The following FAAP20 variants were observed in gnomAD, a reference collection of about 807,000 sequenced individuals.
FAAP20 encodes FA core complex associated protein 20.
Under a neutral mutation model 16.2 loss-of-function variants are expected in FAAP20, and 12 were observed. That is an observed-to-expected ratio of 0.74 (90% confidence interval 0.48 to 1.20). The LOEUF (loss-of-function observed/expected upper bound fraction) is 1.20. FAAP20 is among the 50% of genes most tolerant of loss of function. FAAP20 has a pLI of 0.00. For missense variants in FAAP20, 288 were observed against 245.8 expected (o/e 1.17, Z -1.15); for synonymous variants, 141 against 110.7 (o/e 1.27, Z -1.72).
At chr1:2,212,540 C>T (rs1638233786) in intron 1 of FAAP20, 2 of 158,344 alleles carry the variant, frequency 1.3e-5, no homozygotes, top group Non-Finnish European at 2.8e-5. Context: ...CGGCCCCAGG[C>T]AGCAGTACCT....
downstream of FAAP20, among the ~76,000 whole-genome samples, chr1:2,211,640 G>A (rs1178634576): frequency 5.5e-5 from 8 of 146,686 alleles, no homozygotes; most frequent in East Asian, 2.0e-4. Flanking sequence ...TAGTAGTGAC[G>A]GGGTTTCACT....
chr1:2,197,279 C>T (rs541508003), upstream of FAAP20, among the ~76,000 whole-genome samples: 1 of 152,362 alleles, frequency 6.6e-6, no homozygotes, highest in Non-Finnish European at 1.5e-5. Context: ...CTGGGGTCTT[C>T]AGCATCCTTC....
downstream of FAAP20, among the ~76,000 whole-genome samples, chr1:2,187,366 G>A (rs1006725781): frequency 1.3e-5 from 2 of 150,168 alleles, no homozygotes; most frequent in Non-Finnish European, 3.0e-5. Context: ...GTGCAGTGGC[G>A]AGATCTCGGC....
upstream of FAAP20, among the ~76,000 whole-genome samples, chr1:2,201,680 C>G (rs1368260779): frequency 6.6e-6 from 1 of 151,870 alleles, no homozygotes; most frequent in Non-Finnish European, 1.5e-5. Context: ...CAAGATTGTG[C>G]CACTGCACTC....
At chr1:2,187,814 G>T (rs565014818), downstream of FAAP20, among the ~76,000 whole-genome samples, 1 of 152,152 alleles carries the variant, frequency 6.6e-6, no homozygotes, top group African/African-American at 2.4e-5. Flanking sequence ...CCAGGGCACC[G>T]TCAGTCCCGT....
At chr1:2,184,517 A>G (rs553946128), downstream of FAAP20, 187 of 1,242,144 alleles carry the variant, frequency 1.5e-4, 4 homozygotes, top group South Asian at 2.5e-3. Context: ...AAGTGCGTGC[A>G]AAACACTCAA....
intron 1 of FAAP20, chr1:2,212,533 C>T (rs1374704450): frequency 6.3e-6 from 1 of 159,140 alleles, no homozygotes; most frequent in East Asian, 1.9e-4. Context: ...CCACCCCCGG[C>T]CCCAGGCAGC....
chr1:2,193,147 G>T, intron 3 of FAAP20: 3 of 474,582 alleles, frequency 6.3e-6, no homozygotes, highest in Non-Finnish European at 1.0e-5. Context: ...ACAAGGCCAG[G>T]CACTGGGCAG....
downstream of FAAP20, among the ~76,000 whole-genome samples, chr1:2,211,972 G>C (rs1407812036): frequency 2.2e-5 from 3 of 138,334 alleles, no homozygotes; most frequent in Admixed American, 2.4e-4. Context: ...GTGTGATCTC[G>C]GCTCACTGCA....
downstream of FAAP20, chr1:2,185,211 G>A (rs975030677): frequency 1.7e-5 from 12 of 706,838 alleles, no homozygotes; most frequent in Non-Finnish European, 2.9e-5. Flanking sequence ...GGCCAGCTTC[G>A]TGCTGGAGGA....
downstream of FAAP20, among the ~76,000 whole-genome samples, chr1:2,209,423 G>A (rs1315008150): frequency 6.6e-6 from 1 of 152,248 alleles, no homozygotes; most frequent in East Asian, 1.9e-4. Context: ...GAAGCTGCCA[G>A]CTCTCTAGAA....
At chr1:2,195,342 T>G (rs374992772), upstream of FAAP20, among the ~76,000 whole-genome samples, 481 of 152,266 alleles carry the variant, frequency 3.2e-3, 3 homozygotes, top group African/African-American at 0.011. Context: ...CTCTGCGACC[T>G]CAAAGTCGGC....
chr1:2,194,664 C>A, intron 1 of FAAP20, 24 bp downstream of exon 1: 3 of 1,127,884 alleles, frequency 2.7e-6, no homozygotes, highest in Non-Finnish European at 3.3e-6. Context: ...ACCGGCCGCG[C>A]CCCCGCCCGG....
At chr1:2,188,961 C>T (rs1379029031), downstream of FAAP20, among the ~76,000 whole-genome samples, 1 of 148,230 alleles carries the variant, frequency 6.7e-6, no homozygotes, top group Non-Finnish European at 1.5e-5. Context: ...GCCGAAATCG[C>T]GCCACTGCAC....
downstream of FAAP20, among the ~76,000 whole-genome samples, chr1:2,189,059 C>T (rs915887451): frequency 4.3e-5 from 6 of 140,044 alleles, no homozygotes; most frequent in African/African-American, 1.6e-4. Flanking sequence ...GCTGGGGCTG[C>T]TGGCTCACGC....
intron 3 of FAAP20, chr1:2,193,376 G>A: frequency 1.8e-6 from 1 of 571,192 alleles, no homozygotes; most frequent in Non-Finnish European, 3.0e-6. Flanking sequence ...GTGGACCCGG[G>A]GCCAGTGCTC....
downstream of FAAP20, chr1:2,187,286 TTTTTTTTTTTCTTTTTC>T (rs1384156257): frequency 4.8e-5 from 14 of 291,200 alleles, no homozygotes; most frequent in South Asian, 1.3e-4. Flanking sequence ...AGCCATTTTC[TTTTTTTTTTTCTTTTTC>T]TTTTTTTTTT....
chr1:2,198,319 G>T (rs576569009), upstream of FAAP20: 2 of 518,780 alleles, frequency 3.9e-6, no homozygotes, highest in Non-Finnish European at 6.1e-6. Flanking sequence ...TCCTACTCCC[G>T]CACCTGCAGA....
Position 2,190,013 on chromosome 1 carries a change from G to A in FAAP20, c.471-232C>T, listed in dbSNP as rs1029141374. 8.2e-6 allele frequency: 5 copies of A among 610,322 alleles called. No homozygotes were observed. In the African/African-American group the frequency reaches 9.1e-5, roughly 11 times the overall value. 37.8% of individuals were successfully genotyped at this position (610,322 alleles called of 1,614,324 possible). A position where few individuals can be genotyped will look rare whatever the true frequency, so the allele number is the denominator to read the frequency against. ...GGCCACGCCAGGCCCCTGCGTCCGAGCTGGGGGTGGGGAAGCTGTGTCTCA... is the reference window on the plus strand; with the variant it reads ...GGCCACGCCAGGCCCCTGCGTCCGAACTGGGGGTGGGGAAGCTGTGTCTCA... On this transcript the variant is annotated intron_variant, in intron 3 of 3. Transcript: ENST00000378546.
Sources: allele counts gnomAD v4.1 joint callset (sites outside exome capture counted in the v4.1 genomes callset), GRCh38; gene constraint gnomAD v4.1.1; transcripts MANE v1.5; gene names NCBI Gene and HGNC (gene_info 2026-07-23, HGNC 2026-07-21).